The following ILK variants were observed in gnomAD, a reference collection of about 807,000 sequenced individuals.
ILK encodes integrin linked kinase.
Under a neutral mutation model 57.8 loss-of-function variants are expected in ILK, and 37 were observed. That is an observed-to-expected ratio of 0.64 (90% confidence interval 0.49 to 0.84). ILK has a LOEUF of 0.84. Ranked by LOEUF, ILK falls within the 40% of genes least tolerant of loss-of-function variation. The pLI is 0.00. For synonymous variants in ILK, 231 were observed against 202.2 expected (o/e 1.14, Z -1.21); for missense variants, 528 against 595.7 (o/e 0.89, Z 1.18).
intron 2 of ILK, among the ~76,000 whole-genome samples, chr11:6,605,791 T>G (rs1854840688): frequency 7.1e-6 from 1 of 140,180 alleles, no homozygotes. Flanking sequence ...GGTTCCTTAA[T>G]TTAAGGCACT....
chr11:6,603,917 C>G (rs1020127938), intron 1 of ILK, 95 bp downstream of exon 1: 1 of 454,482 alleles, frequency 2.2e-6, no homozygotes, highest in Non-Finnish European at 4.0e-6. Context: ...CCCCCGGTCC[C>G]CTCTCCCAGA....
Position 6,608,285 on chromosome 11 carries a change from G to T in ILK, c.255+74G>T. On this transcript the variant is annotated intron_variant, in intron 3 of 12. Transcript: ENST00000299421. The surrounding 1 kb of genome is among the most constrained non-coding windows in gnomAD (Gnocchi z 4.9). Reference sequence around the variant, plus strand: ...TCAGTCACAGGCACTGTAACATACAGTAGAAAGCATGTGTGCTCTTCCCCC... The same window carrying T: ...TCAGTCACAGGCACTGTAACATACATTAGAAAGCATGTGTGCTCTTCCCCC... 1 of 1,583,096 alleles carries T rather than the reference G, an allele frequency of 6.3e-7. No homozygotes were observed. Among genetic ancestry groups the T allele is most frequent in the Non-Finnish European group, 8.7e-7 (1 of 1,151,824 alleles).
Position 6,610,660 on chromosome 11 carries a change from G to A in ILK, c.*49G>A, listed in dbSNP as rs759721658. ...TCCAGAGGTGTCGGGACATGGTTGG[G>A]GGAATGCACCTCCCCAAAGCAGCAG... On this transcript the variant is annotated 3_prime_UTR_variant, in exon 13 of 13. Coordinates refer to ENST00000299421, the MANE Select transcript of ILK (RefSeq NM_004517.4). 2.0e-5 allele frequency: 33 copies of A among 1,610,372 alleles called. No homozygotes were observed. Among genetic ancestry groups the A allele is most frequent in the South Asian group, 4.4e-5 (4 of 90,830 alleles).
Position 6,608,461 on chromosome 11 carries a change from GT to G in ILK, c.328del (p.Trp110GlyfsTer35). The stretch of plus-strand genomic sequence containing the variant: ...GGGAATGTGCCCCTGCACTATGCCT[GT>G]TTTTGGGGCCAAGATCAAGTGGCAG... ...EHGNVPLHYA[C>X]FWGQDQVAED... On this transcript the variant is annotated frameshift_variant, in exon 4 of 13. Coordinates refer to ENST00000299421, the MANE Select transcript of ILK (RefSeq NM_004517.4). LOFTEE classifies it high-confidence loss of function. The surrounding 1 kb of genome is among the most constrained non-coding windows in gnomAD (Gnocchi z 4.9). 6.2e-7 allele frequency: 1 copy of G among 1,613,806 alleles called. No homozygotes were observed. The highest frequency in any genetic ancestry group is 8.5e-7 in the Non-Finnish European group (1 of 1,179,666).
At chr11:6,604,686 T>G (rs1037537114) in intron 2 of ILK, 2 of 492,940 alleles carry the variant, frequency 4.1e-6, no homozygotes, top group Middle Eastern at 5.8e-4. Context: ...ATGATCTCTG[T>G]GGGTCGGAGC....
Position 6,609,541 on chromosome 11 carries a change from T to C in ILK, c.758T>C (p.Val253Ala), listed in dbSNP as rs1222959517. The C allele has an allele frequency of 6.2e-7, 1 of 1,614,050 alleles. No homozygotes were observed. Among genetic ancestry groups the C allele is most frequent in the East Asian group, 2.2e-5 (1 of 44,896 alleles). ...RIFSHPNVLPVLGACQSPPAP... is the reference protein window; with the variant it reads ...RIFSHPNVLPALGACQSPPAP... Reference sequence around the variant, plus strand: ...TTCTCGCATCCAAATGTGCTCCCAGTGCTAGGTGCCTGCCAGTCTCCACCT... The same window carrying C: ...TTCTCGCATCCAAATGTGCTCCCAGCGCTAGGTGCCTGCCAGTCTCCACCT... The change falls in exon 9 of 13, where the codon GTG becomes GCG. Residue 253 changes from valine (V) to alanine (A), a missense_variant. Coordinates refer to ENST00000299421, the MANE Select transcript of ILK (RefSeq NM_004517.4).
Position 6,610,027 on chromosome 11 carries a change from C to G in ILK, c.1070C>G (p.Ala357Gly). The G allele has an allele frequency of 6.2e-7, 1 of 1,614,142 alleles. No individual in the cohort carries two copies. Among genetic ancestry groups the G allele is most frequent in the Non-Finnish European group, 8.5e-7 (1 of 1,180,020 alleles). Residue 357 changes from alanine (A) to glycine (G), a missense_variant, in exon 11 of 13, where the codon GCC becomes GGC. Ala to Gly is a moderately conservative substitution (Grantham distance 60). Transcript: ENST00000299421. Reference protein sequence around the residue: ...PGRMYAPAWVAPEALQKKPED... With the variant: ...PGRMYAPAWVGPEALQKKPED... ...CGCATGTATGCACCTGCCTGGGTAG[C>G]CCCCGAAGGTGAGTGAAGTCATCAT...
intron 8 of ILK, 49 bp downstream of exon 8, chr11:6,609,457 T>G (rs749793306): frequency 3.1e-6 from 5 of 1,614,044 alleles, no homozygotes; most frequent in Non-Finnish European, 3.4e-6. Context: ...GAACCCTGAA[T>G]AGCACTGAAA....
rs1221198794 is a variant in ILK, at chr11:6,610,621, G to T, written c.*10G>T. The T allele has an allele frequency of 2.5e-6, 4 of 1,614,052 alleles. No individual in the cohort carries two copies. The African/African-American group carries it at 5.3e-5, about 22-fold the overall frequency. The stretch of plus-strand genomic sequence containing the variant: ...GATGCAGGACAAGTAGGACTGGAAG[G>T]TCCTTGCCTGAACTCCAGAGGTGTC... On this transcript the variant is annotated 3_prime_UTR_variant, in exon 13 of 13. Transcript: ENST00000299421.
intron 2 of ILK, 134 bp from the exon 3 acceptor site, chr11:6,607,912 T>C: frequency 1.1e-6 from 1 of 896,710 alleles, no homozygotes; most frequent in East Asian, 2.6e-5. Flanking sequence ...CTTTGGGAGT[T>C]GCTGGCATGA....
chr11:6,607,737 T>C (rs755477172), intron 2 of ILK: 3 of 414,174 alleles, frequency 7.2e-6, no homozygotes, highest in South Asian at 4.5e-5. Context: ...AAAGGACCAA[T>C]AGATGTTGCA....
intron 2 of ILK, among the ~76,000 whole-genome samples, chr11:6,605,525 T>A (rs1253698834): frequency 6.7e-6 from 1 of 148,592 alleles, no homozygotes; most frequent in Non-Finnish European, 1.5e-5. Flanking sequence ...TTTTTTTTTT[T>A]AAGTTAAGGG....
chr11:6,609,257 G>A (rs1474642222), intron 7 of ILK, 42 bp from the exon 8 acceptor site: 14 of 1,603,820 alleles, frequency 8.7e-6, no homozygotes, highest in Non-Finnish European at 1.2e-5. Context: ...CAAGGAAGTG[G>A]CAGCAACATT....
intron 2 of ILK, chr11:6,606,420 T>C (rs1487816908): frequency 1.3e-5 from 2 of 152,236 alleles, no homozygotes; most frequent in African/African-American, 2.4e-5. Flanking sequence ...CTATTTCTCT[T>C]TAATACTTTG....
In ILK at chr11:6,609,602, G is replaced by A. The variant is rs1043390; in HGVS notation, c.819G>A (p.Pro273=). 0.27 allele frequency: 430,398 copies of A among 1,613,698 alleles called. 59,867 individuals are homozygous for A. The highest frequency in any genetic ancestry group is 0.48 in the African/African-American group (35,699 of 74,902). Reference sequence around the variant, plus strand: ...CTACTCTCATCACACACTGGATGCCGTATGGATCCCTCTACAATGTACTAC... The same window carrying A: ...CTACTCTCATCACACACTGGATGCCATATGGATCCCTCTACAATGTACTAC... ...PHPTLITHWM[P]YGSLYNVLHE... is the part of the protein sequence containing the mutation. Residue 273 remains proline (P), a synonymous_variant, in exon 9 of 13, where the codon CCG becomes CCA. Transcript: ENST00000299421.
chr11:6,608,988 G>C lies in ILK; in HGVS notation c.532+21G>C. 6.2e-7 allele frequency: 1 copy of C among 1,613,960 alleles called. No individual in the cohort carries two copies. Among genetic ancestry groups the C allele is most frequent in the Non-Finnish European group, 8.5e-7 (1 of 1,179,812 alleles). ...GCCCCGTGAGTCACCACTGTGGGAA[G>C]AAGGGTTGTAAAAGGAAATAATCCT... On this transcript the variant is annotated intron_variant, in intron 6 of 12. Transcript: ENST00000299421. The surrounding 1 kb of genome is among the most constrained non-coding windows in gnomAD (Gnocchi z 4.9).
rs1435098622 is a variant in ILK at position 6,609,075 on chromosome 11, T to C, written c.537T>C (p.Asn179=). 2 of 1,614,082 alleles carry C rather than the reference T, an allele frequency of 1.2e-6. No homozygotes were observed. The highest frequency in any genetic ancestry group is 2.2e-5 in the East Asian group (1 of 44,882). ...CTGACCTGCCCACACTCTTAGGAAA[T>C]GGAACCCTGAACAAACACTCTGGCA... The part of the protein sequence containing the change: ...WKGTTRTRPR[N]GTLNKHSGID... Residue 179 remains asparagine, a synonymous_variant, in exon 7 of 13, where the codon AAT becomes AAC. Coordinates refer to ENST00000299421, the MANE Select transcript of ILK (RefSeq NM_004517.4).
chr11:6,607,697 G>A (rs1479445957), intron 2 of ILK: 4 of 349,996 alleles, frequency 1.1e-5, no homozygotes, highest in African/African-American at 8.5e-5. Flanking sequence ...TGCTGAAGTA[G>A]GGGGACATAT....
At position 6,609,281 on chromosome 11, in the gene ILK, C is replaced by G. The variant is rs377752465; in HGVS notation, c.619-18C>G. The G allele has an allele frequency of 6.2e-6, 10 of 1,611,890 alleles. No homozygotes were observed. Among genetic ancestry groups the G allele is most frequent in the Admixed American group, 5.0e-5 (3 of 60,006 alleles). On this transcript the variant is annotated intron_variant, in intron 7 of 12. Transcript: ENST00000299421. ...GGCAGCAACATTTCAAGCCTCCTAA[C>G]CCCTACCTGTCCTGCAGCTATGGAA...
Sources: gnomAD v4.1 joint callset for allele counts (sites outside exome capture counted in the v4.1 genomes callset) on GRCh38, gnomAD v4.1.1 for gene constraint, Gnocchi (gnomAD v3.1) non-coding constraint, MANE v1.5 for transcripts, NCBI Gene and HGNC (gene_info 2026-07-23, HGNC 2026-07-21) for gene names.